TMEM135: variants seen among roughly 807,000 people sequenced by gnomAD.
The protein encoded by TMEM135 is transmembrane protein 135.
TMEM135 carries 30 observed loss-of-function variants against 60.3 expected under a neutral mutation model. The ratio of observed to expected loss-of-function variants is 0.50; its 90% CI spans 0.37 to 0.68. TMEM135 has a LOEUF of 0.68. Among genes scored for constraint, TMEM135 ranks in the 30% least tolerant of loss-of-function variants. The pLI is 0.00. For missense variants in TMEM135, 468 were observed against 548.8 expected, an observed-to-expected ratio of 0.85 and a Z score of 1.47; for synonymous variants, 190 against 186.7, an observed-to-expected ratio of 1.02 and a Z score of -0.14.
intron 4 of TMEM135, among the ~76,000 whole-genome samples, chr11:87,123,503 C>T (rs1937637975): frequency 6.6e-6 from 1 of 152,204 alleles, no homozygotes; most frequent in African/African-American, 2.4e-5. Flanking sequence ...TATGACTTTA[C>T]ATTAGCTTGA....
intron 12 of TMEM135, among the ~76,000 whole-genome samples, 185 bp from the exon 13 acceptor site, chr11:87,317,952 G>C (rs977045703): frequency 3.3e-5 from 5 of 152,118 alleles, no homozygotes; most frequent in African/African-American, 1.2e-4. Flanking sequence ...CTGGGATTTG[G>C]AGCAAAACTG....
intron 3 of TMEM135, among the ~76,000 whole-genome samples, chr11:87,075,179 G>A (rs1439620858): frequency 6.6e-6 from 1 of 151,732 alleles, no homozygotes; most frequent in Non-Finnish European, 1.5e-5. Context: ...TTTTTTTTGA[G>A]ACGGAGTCTC....
At chr11:87,057,035 T>C (rs926645757) in intron 1 of TMEM135, among the ~76,000 whole-genome samples, 1 of 152,176 alleles carries the variant, frequency 6.6e-6, no homozygotes. Context: ...TCACTAAAAG[T>C]TGAAGTGACA....
At chr11:87,041,486 A>G (rs1483923656) in intron 1 of TMEM135, among the ~76,000 whole-genome samples, 1 of 152,226 alleles carries the variant, frequency 6.6e-6, no homozygotes, top group Non-Finnish European at 1.5e-5. Context: ...AGTAGTGGAA[A>G]GAGTCAGAAC....
chr11:87,120,465 G>T (rs1320514663), intron 4 of TMEM135, among the ~76,000 whole-genome samples: 2 of 101,414 alleles, frequency 2.0e-5, no homozygotes, highest in Non-Finnish European at 2.0e-5. Context: ...AGCATGAGAT[G>T]AAATTTCTTT....
intron 11 of TMEM135, 126 bp from the exon 12 acceptor site, chr11:87,314,345 C>T: frequency 5.2e-6 from 4 of 774,092 alleles, no homozygotes; most frequent in Non-Finnish European, 8.7e-6. Context: ...TGGTTTATTA[C>T]TGTCCTTGAT....
intron 6 of TMEM135, among the ~76,000 whole-genome samples, chr11:87,285,997 C>T (rs1005709702): frequency 1.3e-5 from 2 of 151,518 alleles, no homozygotes; most frequent in African/African-American, 2.4e-5. Flanking sequence ...AAGTCCTCAC[C>T]AGATTAGCTA....
chr11:87,209,480 A>G (rs952801733), intron 5 of TMEM135, among the ~76,000 whole-genome samples: 1 of 152,212 alleles, frequency 6.6e-6, no homozygotes, highest in Non-Finnish European at 1.5e-5. Context: ...AAAGAGCTCA[A>G]TCTAACAAGA....
intron 5 of TMEM135, among the ~76,000 whole-genome samples, chr11:87,195,314 T>TTTCTTTCC (rs1939910805): frequency 1.1e-4 from 7 of 65,666 alleles, no homozygotes; most frequent in African/African-American, 4.3e-4. Context: ...TTTCTTTCTC[T>TTTCTTTCC]TTCCTTCCTT....
intron 4 of TMEM135, among the ~76,000 whole-genome samples, chr11:87,133,862 CAA>C (rs1938009692): frequency 6.6e-6 from 1 of 152,112 alleles, no homozygotes; most frequent in Non-Finnish European, 1.5e-5. Context: ...TTTTGTGTAA[CAA>C]TGGTTCATTT....
intron 5 of TMEM135, among the ~76,000 whole-genome samples, chr11:87,163,764 T>G (rs1270095460): frequency 2.1e-5 from 3 of 146,144 alleles, no homozygotes; most frequent in Admixed American, 6.9e-5. Context: ...ACTGTGGTTT[T>G]GATTTGCATT....
chr11:87,097,422 A>G (rs1857355142), intron 4 of TMEM135, among the ~76,000 whole-genome samples: 1 of 152,224 alleles, frequency 6.6e-6, no homozygotes, highest in Non-Finnish European at 1.5e-5. Context: ...CTCTACTAGC[A>G]AGCTGGATTC....
At chr11:87,089,922 CT>C (rs1394048530) in intron 3 of TMEM135, among the ~76,000 whole-genome samples, 1 of 152,230 alleles carries the variant, frequency 6.6e-6, no homozygotes, top group East Asian at 1.9e-4. Flanking sequence ...TTATTATTTT[CT>C]TTTCCTAACT....
chr11:87,273,228 A>G (rs1330250443), intron 6 of TMEM135, among the ~76,000 whole-genome samples: 2 of 152,184 alleles, frequency 1.3e-5, no homozygotes, highest in Non-Finnish European at 2.9e-5. Flanking sequence ...AATTCTGGAC[A>G]AGACACTTTG....
chr11:87,305,792 T>TAAAGAAAGAAAGAAAGAAAGAAAGAAAG lies in TMEM135; in HGVS notation c.699-141_699-140insGAAAGAAAGAAAGAAAGAAAGAAAGAAA, dbSNP rs1373417867. 12 of 356,812 alleles carry TAAAGAAAGAAAGAAAGAAAGAAAGAAAG rather than the reference T, an allele frequency of 3.4e-5. 1 individual carries two copies. Among genetic ancestry groups the TAAAGAAAGAAAGAAAGAAAGAAAGAAAG allele is most frequent in the African/African-American group, 2.7e-4 (12 of 44,162 alleles). 22.1% of individuals were successfully genotyped at this position (356,812 alleles called of 1,614,324 possible). On this transcript the variant is annotated intron_variant, in intron 8 of 14. Coordinates refer to ENST00000305494, the MANE Select transcript of TMEM135 (RefSeq NM_022918.4). ...CTTTATCTCAAAATAAATAAATAAA[T>TAAAGAAAGAAAGAAAGAAAGAAAGAAAG]AAATAAATAAATAAAGTGATGTTTT... is the stretch of plus-strand genomic sequence containing the variant.
At chr11:87,097,145 C>T (rs1160456234) in intron 4 of TMEM135, among the ~76,000 whole-genome samples, 2 of 152,066 alleles carry the variant, frequency 1.3e-5, no homozygotes, top group Non-Finnish European at 2.9e-5. Flanking sequence ...TACAGGCGCA[C>T]ACTGCCATGC....
At chr11:87,289,672 T>C (rs552432316) in intron 6 of TMEM135, among the ~76,000 whole-genome samples, 3 of 151,982 alleles carry the variant, frequency 2.0e-5, no homozygotes, top group Non-Finnish European at 4.4e-5. Context: ...GCCAGGCTGG[T>C]CTTGAAATCC....
At chr11:87,140,411 C>G (rs545308848) in intron 4 of TMEM135, among the ~76,000 whole-genome samples, 2 of 152,268 alleles carry the variant, frequency 1.3e-5, no homozygotes, top group South Asian at 4.1e-4. Flanking sequence ...CATGGGCAAA[C>G]AATTTGACTG....
chr11:87,277,140 A>T (rs1486788646), intron 6 of TMEM135: 5 of 167,784 alleles, frequency 3.0e-5, no homozygotes, highest in African/African-American at 1.2e-4. Flanking sequence ...TGTAAAAACA[A>T]GATTTTTTTG....
Sources: gnomAD v4.1 joint callset for allele counts (sites outside exome capture counted in the v4.1 genomes callset) on GRCh38, gnomAD v4.1.1 for gene constraint, MANE v1.5 for transcripts, NCBI Gene and HGNC (gene_info 2026-07-23, HGNC 2026-07-21) for gene names.